The following RANBP3L variants were observed in gnomAD, a reference collection of about 807,000 sequenced individuals.
RANBP3L encodes the protein RAN binding protein 3 like.
A neutral mutation model predicts 67.2 loss-of-function variants in RANBP3L; 56 were observed. That is an observed-to-expected ratio of 0.83 (90% CI 0.67 to 1.04). RANBP3L has a LOEUF of 1.04. RANBP3L is among the 50% of genes least tolerant of loss of function. The pLI is 0.00. For missense variants in RANBP3L, 496 were observed against 535.5 expected, an observed-to-expected ratio of 0.93 and a Z score of 0.73; for synonymous variants, 164 against 181.4, an observed-to-expected ratio of 0.90 and a Z score of 0.77.
At chr5:36,292,013 A>G (rs1211248157) in intron 1 of RANBP3L, among the ~76,000 whole-genome samples, 2 of 132,970 alleles carry the variant, frequency 1.5e-5, no homozygotes, top group African/African-American at 5.7e-5. Flanking sequence ...TTACAGTCCC[A>G]CCAACAGTGT....
intron 7 of RANBP3L, among the ~76,000 whole-genome samples, chr5:36,261,575 T>C (rs1410420737): frequency 1.3e-5 from 2 of 152,090 alleles, no homozygotes; most frequent in Admixed American, 6.5e-5. Flanking sequence ...ATCTAACCTA[T>C]GCCAATAAAT....
chr5:36,283,483 G>A (rs1356278425), intron 1 of RANBP3L, among the ~76,000 whole-genome samples: 3 of 149,866 alleles, frequency 2.0e-5, no homozygotes, highest in Admixed American at 6.6e-5. Context: ...TAAATAAACA[G>A]AACCTCATAA....
chr5:36,299,259 T>C lies in RANBP3L; in HGVS notation c.91+2067A>G, dbSNP rs1310175082. On this transcript the variant is annotated intron_variant, in intron 1 of 13. Coordinates refer to ENST00000296604, the MANE Select transcript of RANBP3L (RefSeq NM_145000.5). Reference sequence around the variant, plus strand: ...CCTTGTGACTGTGTAAGTTAATACTTAATAAACTCATCTTTATATACATAT... The same window carrying C: ...CCTTGTGACTGTGTAAGTTAATACTCAATAAACTCATCTTTATATACATAT... Among the ~76,000 whole-genome samples, 6 of 152,148 alleles carry C rather than the reference T, an allele frequency of 3.9e-5. No individual in the cohort carries two copies. In the East Asian group the frequency reaches 1.2e-3, roughly 29 times the overall value.
At chr5:36,282,335 T>G (rs1407916467) in intron 1 of RANBP3L, among the ~76,000 whole-genome samples, 2 of 152,182 alleles carry the variant, frequency 1.3e-5, no homozygotes, top group Admixed American at 6.5e-5. Context: ...TAGTAGATTT[T>G]TCATTACTGC....
rs150481260 is a variant in RANBP3L, at chr5:36,288,680, A to G, written c.91+12646T>C. Among the ~76,000 whole-genome samples, 85 of 152,256 alleles carry G rather than the reference A, an allele frequency of 5.6e-4. No individual in the cohort carries two copies. In the East Asian group the frequency reaches 0.015, roughly 28 times the overall value. On this transcript the variant is annotated intron_variant, in intron 1 of 13. Transcript: ENST00000296604. ...TAGCCATTCTAGTGGATGTAAAGTGACATTTCATGGTGGTTTTATTTTGGA... is the reference window on the plus strand; with the variant it reads ...TAGCCATTCTAGTGGATGTAAAGTGGCATTTCATGGTGGTTTTATTTTGGA...
intron 1 of RANBP3L, among the ~76,000 whole-genome samples, chr5:36,295,958 T>C (rs1411592269): frequency 6.6e-6 from 1 of 152,112 alleles, no homozygotes; most frequent in Non-Finnish European, 1.5e-5. Flanking sequence ...ATATGGCCAA[T>C]TATTTAATCA....
intron 7 of RANBP3L, 138 bp from the exon 8 acceptor site, chr5:36,261,002 A>G (rs1749345276): frequency 1.7e-6 from 1 of 574,932 alleles, no homozygotes; most frequent in Admixed American, 3.1e-5. Context: ...TTTAATGAAA[A>G]ATGAAGGAAA....
chr5:36,270,936 G>A (rs1019882675), intron 2 of RANBP3L, among the ~76,000 whole-genome samples: 11 of 152,210 alleles, frequency 7.2e-5, no homozygotes, highest in African/African-American at 2.4e-5. Flanking sequence ...GGCTAGGTCA[G>A]TGGTGAGGAC....
At chr5:36,270,549 A>T (rs536959941) in intron 2 of RANBP3L, among the ~76,000 whole-genome samples, 34 of 152,294 alleles carry the variant, frequency 2.2e-4, no homozygotes, top group African/African-American at 7.9e-4. Context: ...CAGTACCAGC[A>T]GTGCAATCAT....
chr5:36,279,221 T>C (rs1750807582), intron 1 of RANBP3L, among the ~76,000 whole-genome samples: 1 of 152,154 alleles, frequency 6.6e-6, no homozygotes. Context: ...TTAAGATAGT[T>C]AGAGAAGGGG....
At chr5:36,276,184 A>G (rs1462387005) in intron 1 of RANBP3L, among the ~76,000 whole-genome samples, 1 of 152,182 alleles carries the variant, frequency 6.6e-6, no homozygotes, top group Non-Finnish European at 1.5e-5. Context: ...ACTTCCCCAG[A>G]ATAACTGAAG....
chr5:36,262,072 T>C, intron 6 of RANBP3L, 30 bp from the exon 7 acceptor site: 1 of 1,072,474 alleles, frequency 9.3e-7, no homozygotes. Flanking sequence ...TCAAAAAGTT[T>C]ATAAAGACTA....
At chr5:36,297,093 C>G (rs755577092) in intron 1 of RANBP3L, among the ~76,000 whole-genome samples, 28 of 151,996 alleles carry the variant, frequency 1.8e-4, no homozygotes, top group Non-Finnish European at 3.4e-4. Context: ...TATTAATAGC[C>G]TAGAGGTGAC....
rs1183306510 is a variant in RANBP3L, at chr5:36,248,783, C to T, written c.*871G>A. 8.6e-5 allele frequency: 13 copies of T among 152,030 alleles called. No individual in the cohort carries two copies. The highest frequency in any genetic ancestry group is 4.6e-4 in the Admixed American group (7 of 15,278). 9.4% of individuals were successfully genotyped at this position (152,030 alleles called of 1,614,324 possible). A position where few individuals can be genotyped will look rare whatever the true frequency, so the allele number is the denominator to read the frequency against. ...TTCATGAGGTGTCTCTGAAACAAAT[C>T]GCAAAGAAGAGGATCAAAACTCTAT... On this transcript the variant is annotated 3_prime_UTR_variant, in exon 14 of 14. Transcript: ENST00000296604.
intron 13 of RANBP3L, among the ~76,000 whole-genome samples, chr5:36,250,145 G>T (rs1748493714): frequency 6.6e-6 from 1 of 151,872 alleles, no homozygotes; most frequent in Non-Finnish European, 1.5e-5. Context: ...GTTAGTGAGA[G>T]AATTTGCTAT....
chr5:36,295,198 G>A (rs1018441963), intron 1 of RANBP3L, among the ~76,000 whole-genome samples: 2 of 152,000 alleles, frequency 1.3e-5, no homozygotes. Flanking sequence ...TTGAGGAACT[G>A]CGTGATATGG....
intron 1 of RANBP3L, among the ~76,000 whole-genome samples, chr5:36,296,919 T>C (rs1752257162): frequency 6.6e-6 from 1 of 150,686 alleles, no homozygotes. Flanking sequence ...CACTTGGGTC[T>C]GCAGCCTGTC....
chr5:36,290,899 T>G (rs112692783), intron 1 of RANBP3L, among the ~76,000 whole-genome samples: 2 of 83,920 alleles, frequency 2.4e-5, no homozygotes, highest in African/African-American at 1.8e-4. Flanking sequence ...GCCTGGCTAA[T>G]TTTTTTTTTT....
Position 36,249,642 on chromosome 5 carries a change from A to G in RANBP3L, c.*12T>C. On this transcript the variant is annotated 3_prime_UTR_variant, in exon 14 of 14. Coordinates refer to ENST00000296604, the MANE Select transcript of RANBP3L (RefSeq NM_145000.5). ...CTCTTTTTGTAGATGTCATGTTTAT[A>G]GTAGGTAGTATTCATGAACAGGCAA... is the stretch of plus-strand genomic sequence containing the variant. The G allele has an allele frequency of 1.4e-6, 2 of 1,479,182 alleles. No homozygotes were observed. Among genetic ancestry groups the G allele is most frequent in the Non-Finnish European group, 1.9e-6 (2 of 1,078,194 alleles). The allele number at this position is 1,479,182 out of a possible 1,614,324, so 91.6% of individuals were successfully genotyped here. A position where few individuals can be genotyped will look rare whatever the true frequency, so the allele number is the denominator to read the frequency against.
Sources: gnomAD v4.1 joint callset for allele counts (sites outside exome capture counted in the v4.1 genomes callset) on GRCh38, gnomAD v4.1.1 for gene constraint, MANE v1.5 for transcripts, NCBI Gene and HGNC (gene_info 2026-07-23, HGNC 2026-07-21) for gene names.